The following FBXO10 variants were observed in gnomAD, a reference collection of about 807,000 sequenced individuals.
The protein encoded by FBXO10 is F-box only protein 10.
FBXO10 carries 39 observed loss-of-function variants against 80.7 expected under a neutral mutation model. The ratio of observed to expected loss-of-function variants is 0.48; its 90% CI spans 0.37 to 0.63. The LOEUF (loss-of-function observed/expected upper bound fraction) is 0.63. FBXO10 is among the 30% of genes least tolerant of loss of function. FBXO10 has a pLI of 0.00. For missense variants in FBXO10, 1,025 were observed against 1,269.0 expected (o/e 0.81, Z 2.92); for synonymous variants, 449 against 489.6 (o/e 0.92, Z 1.09).
At chr9:37,574,028 T>A (rs1588867350) in intron 1 of FBXO10, among the ~76,000 whole-genome samples, 3 of 152,162 alleles carry the variant, frequency 2.0e-5, no homozygotes, top group Admixed American at 2.0e-4. Flanking sequence ...TACAAGGAAT[T>A]TGTTTACTTC....
intron 8 of FBXO10, 102 bp downstream of exon 8, chr9:37,521,467 C>A: frequency 7.5e-7 from 1 of 1,329,146 alleles, no homozygotes; most frequent in Non-Finnish European, 9.9e-7. Flanking sequence ...TTAAAGTTTA[C>A]TTTTAAATTT....
chr9:37,557,718 C>A (rs1156371589), intron 1 of FBXO10, among the ~76,000 whole-genome samples: 1 of 152,166 alleles, frequency 6.6e-6, no homozygotes, highest in Non-Finnish European at 1.5e-5. Flanking sequence ...TACTATGTCC[C>A]CACATGGTTT....
rs1227679137 is a variant in FBXO10, at chr9:37,512,464, G to GGGCGGAGT, written c.*75_*82dup. ...CCATTTGTTCGAGGGGGAGGGGGAGGGGCGGAGTCTTTTCAGGCAGTATTT... is the reference window on the plus strand; with the variant it reads ...CCATTTGTTCGAGGGGGAGGGGGAGGGGCGGAGTGGCGGAGTCTTTTCAGGCAGTATTT... On this transcript the variant is annotated 3_prime_UTR_variant, in exon 11 of 11. Transcript: ENST00000432825. 4 of 1,473,796 alleles carry GGGCGGAGT rather than the reference G, an allele frequency of 2.7e-6. No homozygotes were observed. The African/African-American group carries it at 5.6e-5, about 20-fold the overall frequency. The allele number at this position is 1,473,796 out of a possible 1,614,324, so 91.3% of individuals were successfully genotyped here.
intron 1 of FBXO10, among the ~76,000 whole-genome samples, chr9:37,575,876 C>A (rs1822882761): frequency 2.0e-5 from 3 of 152,214 alleles, no homozygotes; most frequent in African/African-American, 7.2e-5. Context: ...GCTTCTTCTT[C>A]TTCGACTTTA....
chr9:37,567,607 G>A (rs1822643113), intron 1 of FBXO10, among the ~76,000 whole-genome samples: 1 of 152,144 alleles, frequency 6.6e-6, no homozygotes, highest in Non-Finnish European at 1.5e-5. Flanking sequence ...TATATGTGAT[G>A]GTGGGGCTAG....
At chr9:37,534,834 T>TG (rs1284953910) in intron 3 of FBXO10, among the ~76,000 whole-genome samples, 5 of 152,116 alleles carry the variant, frequency 3.3e-5, no homozygotes, top group African/African-American at 1.2e-4. Flanking sequence ...CTCTTATCTC[T>TG]GGGGGTGTTG....
intron 5 of FBXO10, among the ~76,000 whole-genome samples, chr9:37,526,330 AT>A (rs550333986): frequency 9.8e-5 from 15 of 152,330 alleles, no homozygotes; most frequent in African/African-American, 3.6e-4. Flanking sequence ...CATTACAGGG[AT>A]CTTAAACTTC....
intron 10 of FBXO10, among the ~76,000 whole-genome samples, chr9:37,514,616 AC>A (rs1239127982): frequency 6.6e-6 from 1 of 152,140 alleles, no homozygotes; most frequent in Non-Finnish European, 1.5e-5. Flanking sequence ...CGGGTGGATC[AC>A]CTGAGGTCAG....
rs1400651593 is a variant in FBXO10, at chr9:37,537,361, G to T, written c.1168C>A (p.Leu390Met). Residue 390 changes from leucine (L) to methionine (M), a missense_variant, in exon 3 of 11, where the codon CTG becomes ATG. Physicochemically the swap from Leu to Met is conservative, Grantham distance 15. Coordinates refer to ENST00000432825, the MANE Select transcript of FBXO10 (RefSeq NM_012166.3). Reference sequence around the variant, plus strand: ...GATGCTCCTGGTAGAGGTGGGCCCAGAAATGAGCCCCCCAATACAGGGCGT... The same window carrying T: ...GATGCTCCTGGTAGAGGTGGGCCCATAAATGAGCCCCCCAATACAGGGCGT... ...GPRPVLGGSF[L>M]GPPLPGASIQ... is the part of the protein sequence containing the mutation. 2 of 1,599,530 alleles carry T rather than the reference G, an allele frequency of 1.3e-6. No individual in the cohort carries two copies. Among genetic ancestry groups the T allele is most frequent in the Middle Eastern group, 3.3e-4 (2 of 6,048 alleles).
chr9:37,525,291 G>A (rs1821442475), intron 5 of FBXO10, 119 bp from the exon 6 acceptor site: 18 of 964,268 alleles, frequency 1.9e-5, no homozygotes, highest in East Asian at 1.1e-4. Flanking sequence ...AAAATTAGCC[G>A]GGTGTGGTGG....
At chr9:37,544,916 C>T (rs1331081907) in intron 1 of FBXO10, among the ~76,000 whole-genome samples, 1 of 147,344 alleles carries the variant, frequency 6.8e-6, no homozygotes, top group Non-Finnish European at 1.5e-5. Context: ...ATGGCGTGAA[C>T]CCGGGAGGTG....
In FBXO10 at chr9:37,511,167, C is replaced by G. The variant is rs917386451; in HGVS notation, c.*1380G>C. ...CACCTAGGGCCAATAGAACCAGCCA[C>G]GCAGCCAAGTGCACGACAGTGACCC... is the stretch of plus-strand genomic sequence containing the variant. On this transcript the variant is annotated 3_prime_UTR_variant, in exon 11 of 11. Coordinates refer to ENST00000432825, the MANE Select transcript of FBXO10 (RefSeq NM_012166.3). 1.3e-5 allele frequency: 2 copies of G among 152,542 alleles called. No homozygotes were observed. Among genetic ancestry groups the G allele is most frequent in the Admixed American group, 6.5e-5 (1 of 15,270 alleles). The allele number at this position is 152,542 out of a possible 1,614,324, so 9.4% of individuals were successfully genotyped here. A position where few individuals can be genotyped will look rare whatever the true frequency, so the allele number is the denominator to read the frequency against.
Position 37,522,828 on chromosome 9 carries a change from A to G in FBXO10, c.1927T>C (p.Tyr643His). ...GKGLIEGNTI[Y>H]ANKGCGVWMM... ...GGGTTGGGAACAAGCTCCTCACCGT[A>G]GATGGTATTTCCTTCTATGAGGCCT... Residue 643 changes from tyrosine to histidine, a missense_variant, in exon 7 of 11, where the codon TAC (tyrosine) becomes CAC (histidine). Physicochemically the swap from Tyr to His is moderately conservative, Grantham distance 83. Transcript: ENST00000432825. The G allele has an allele frequency of 6.4e-7, 1 of 1,551,968 alleles. No homozygotes were observed. The highest frequency in any genetic ancestry group is 8.7e-7 in the Non-Finnish European group (1 of 1,147,084).
intron 1 of FBXO10, among the ~76,000 whole-genome samples, chr9:37,562,920 A>G (rs1822515182): frequency 6.6e-6 from 1 of 152,176 alleles, no homozygotes; most frequent in South Asian, 2.1e-4. Context: ...AAGAAAACCA[A>G]AGAAATCCCA....
At chr9:37,523,695 G>A (rs1215823452) in intron 6 of FBXO10, among the ~76,000 whole-genome samples, 4 of 152,206 alleles carry the variant, frequency 2.6e-5, no homozygotes, top group Non-Finnish European at 5.9e-5. Flanking sequence ...GCTGAGACGG[G>A]CGGATCACCT....
chr9:37,560,530 T>C (rs1185033842), intron 1 of FBXO10, among the ~76,000 whole-genome samples: 1 of 152,216 alleles, frequency 6.6e-6, no homozygotes, highest in Non-Finnish European at 1.5e-5. Flanking sequence ...CGAGCACACA[T>C]GCACATTTCC....
At chr9:37,528,549 C>T (rs1041484081) in intron 5 of FBXO10, among the ~76,000 whole-genome samples, 15 of 152,180 alleles carry the variant, frequency 9.9e-5, no homozygotes, top group Admixed American at 5.2e-4. Context: ...TCTGATGCTA[C>T]CTCCTAAATG....
At chr9:37,570,578 AAGAGC>A (rs1822725704) in intron 1 of FBXO10, among the ~76,000 whole-genome samples, 1 of 152,224 alleles carries the variant, frequency 6.6e-6, no homozygotes, top group Non-Finnish European at 1.5e-5. Context: ...CACTGATGAT[AAGAGC>A]AGGTTCTCTG....
chr9:37,538,723 A>G (rs1463445781), intron 2 of FBXO10, among the ~76,000 whole-genome samples: 1 of 152,006 alleles, frequency 6.6e-6, no homozygotes, highest in Admixed American at 6.6e-5. Flanking sequence ...AAAAAAAAAA[A>G]AAGCATGGGC....
Sources: gnomAD v4.1 joint callset for allele counts (sites outside exome capture counted in the v4.1 genomes callset) on GRCh38, gnomAD v4.1.1 for gene constraint, MANE v1.5 for transcripts, NCBI Gene and HGNC (gene_info 2026-07-23, HGNC 2026-07-21) for gene names.